MRC1: variants seen among roughly 807,000 people sequenced by gnomAD.
MRC1 encodes mannose receptor C-type 1.
A neutral mutation model predicts 102.9 loss-of-function variants in MRC1; 62 were observed. The ratio of observed to expected loss-of-function variants is 0.60; its 90% CI spans 0.49 to 0.74. MRC1 has a LOEUF of 0.74. MRC1 is among the 30% of genes least tolerant of loss of function. The pLI is 0.00. For missense variants in MRC1, 1,237 were observed against 862.8 expected (o/e 1.43, Z -5.43); for synonymous variants, 457 against 298.4 (o/e 1.53, Z -5.48).
intron 19 of MRC1, 106 bp downstream of exon 19, chr10:17,879,927 A>G: frequency 1.3e-6 from 1 of 772,528 alleles, no homozygotes; most frequent in Non-Finnish European, 2.4e-6. Flanking sequence ...ACAAGATAAG[A>G]AGAGAGAATA....
Position 17,894,332 on chromosome 10 carries a change from A to G in MRC1, c.3250+20A>G. On this transcript the variant is annotated intron_variant, in intron 23 of 29. Transcript: ENST00000569591. Reference sequence around the variant, plus strand: ...GATCCGGTAAGTTCTACCAAACCTTACCTTCCTGAAAGAGCTGGGGTTTTT... The same window carrying G: ...GATCCGGTAAGTTCTACCAAACCTTGCCTTCCTGAAAGAGCTGGGGTTTTT... 1.2e-6 allele frequency: 1 copy of G among 864,344 alleles called. No individual in the cohort carries two copies. The highest frequency in any genetic ancestry group is 2.0e-6 in the Non-Finnish European group (1 of 498,674). The allele number at this position is 864,344 out of a possible 1,614,324, so 53.5% of individuals were successfully genotyped here.
At chr10:17,894,755 C>A (rs2130710360) in intron 23 of MRC1, among the ~76,000 whole-genome samples, 1 of 152,128 alleles carries the variant, frequency 6.6e-6, no homozygotes, top group Non-Finnish European at 1.5e-5. Flanking sequence ...ACAGAACATG[C>A]AGGTTTGTTA....
intron 28 of MRC1, among the ~76,000 whole-genome samples, 172 bp from the exon 29 acceptor site, chr10:17,909,134 G>A (rs1409514614): frequency 6.6e-6 from 1 of 151,982 alleles, no homozygotes; most frequent in Non-Finnish European, 1.5e-5. Context: ...ATAGATAAAG[G>A]TACAGATCTT....
At chr10:17,899,123 G>C (rs912740640) in intron 24 of MRC1, among the ~76,000 whole-genome samples, 1 of 151,360 alleles carries the variant, frequency 6.6e-6, no homozygotes, top group Middle Eastern at 3.4e-3. Flanking sequence ...AAAAAAAGGA[G>C]ATAAACTGGA....
At chr10:17,905,025 C>T (rs979855816) in intron 26 of MRC1, among the ~76,000 whole-genome samples, 8 of 152,208 alleles carry the variant, frequency 5.3e-5, no homozygotes, top group Non-Finnish European at 8.8e-5. Context: ...TCTGTTTGCA[C>T]TGACTGAGCT....
chr10:17,893,660 A>C (rs1177891921), intron 22 of MRC1, among the ~76,000 whole-genome samples: 1 of 152,202 alleles, frequency 6.6e-6, no homozygotes, highest in Admixed American at 6.5e-5. Flanking sequence ...GGAATGGCAA[A>C]CACATTCACA....
At chr10:17,856,143 C>T (rs1833088099) in intron 8 of MRC1, 99 bp from the exon 9 acceptor site, 2 of 705,082 alleles carry the variant, frequency 2.8e-6, no homozygotes, top group South Asian at 1.6e-5. Context: ...GCACTCCAGC[C>T]TGGGGGACAG....
chr10:17,869,296 T>C (rs915919080), intron 12 of MRC1, among the ~76,000 whole-genome samples: 28 of 152,210 alleles, frequency 1.8e-4, no homozygotes, highest in African/African-American at 4.6e-4. Flanking sequence ...AGTTGAGGCA[T>C]CATAGGAGTC....
At chr10:17,833,616 A>T (rs1838615456) in intron 3 of MRC1, 59 bp from the exon 4 acceptor site, 2 of 780,742 alleles carry the variant, frequency 2.6e-6, no homozygotes, top group Admixed American at 1.7e-5. Context: ...AAATAATACT[A>T]TTCACTGGAA....
intron 1 of MRC1, among the ~76,000 whole-genome samples, chr10:17,812,689 A>C (rs1838242868): frequency 6.7e-6 from 1 of 148,764 alleles, no homozygotes; most frequent in African/African-American, 2.5e-5. Context: ...CTCCTGCCTC[A>C]GCCTCCCGAG....
intron 6 of MRC1, among the ~76,000 whole-genome samples, chr10:17,848,208 A>G (rs1232769807): frequency 6.6e-6 from 1 of 152,306 alleles, no homozygotes; most frequent in Admixed American, 6.5e-5. Context: ...AACATTTAAT[A>G]TGAGCTTAAA....
chr10:17,892,466 G>C (rs782363883), intron 22 of MRC1, among the ~76,000 whole-genome samples: 116 of 152,158 alleles, frequency 7.6e-4, no homozygotes, highest in Non-Finnish European at 1.1e-3. Context: ...TCCAATCTGG[G>C]GGGCAGCTGT....
chr10:17,885,455 C>T lies in MRC1; in HGVS notation c.3147+20C>T. On this transcript the variant is annotated intron_variant, in intron 22 of 29. Transcript: ENST00000569591. ...GAAGATGTAAATATCAGATTCAGGT[C>T]ACCTCTCTACACACCATCAGCTTGC... 1.3e-6 allele frequency: 1 copy of T among 780,304 alleles called. No individual in the cohort carries two copies. The highest frequency in any genetic ancestry group is 2.4e-4 in the Middle Eastern group (1 of 4,190). The allele number at this position is 780,304 out of a possible 1,614,324, so 48.3% of individuals were successfully genotyped here. A position where few individuals can be genotyped will look rare whatever the true frequency, so the allele number is the denominator to read the frequency against.
At chr10:17,881,254 TG>T (rs1396247476) in intron 21 of MRC1, 73 bp downstream of exon 21, 1 of 740,092 alleles carries the variant, frequency 1.4e-6, no homozygotes, top group Non-Finnish European at 2.5e-6. Context: ...AAAATATTGC[TG>T]ACAGTAACTG....
rs1334393236 is a variant in MRC1 at position 17,875,177 on chromosome 10, G to A, written c.2474G>A (p.Arg825Gln). Residue 825 changes from arginine to glutamine, a missense_variant, in exon 17 of 30, where the codon CGA becomes CAA. Transcript: ENST00000569591. ...SKEKETMDNARAFCKRNFGDL... is the reference protein window; with the variant it reads ...SKEKETMDNAQAFCKRNFGDL... ...GAGAAGGAAACCATGGACAATGCGC[G>A]AGCGTTTTGCAAGAGGAATTTTGGT... 2.2e-5 allele frequency: 17 copies of A among 780,732 alleles called. No individual in the cohort carries two copies. The highest frequency in any genetic ancestry group is 8.5e-5 in the African/African-American group (5 of 59,134). 48.4% of individuals were successfully genotyped at this position (780,732 alleles called of 1,614,324 possible).
rs1833720056 is a variant in MRC1 at position 17,894,213 on chromosome 10, G to A, written c.3151G>A (p.Asp1051Asn). Residue 1051 changes from aspartate (D) to asparagine (N), a missense_variant, in exon 23 of 30, where the codon GAC becomes AAC. By Grantham distance (23) the Asp-to-Asn change is conservative (BLOSUM62 1). Coordinates refer to ENST00000569591, the MANE Select transcript of MRC1 (RefSeq NM_002438.4). ...RRSSLSYEDA[D>N]CVVIIGGASN... ...TTCTTTCTCCATAAATATACAGGCT[G>A]ACTGTGTTGTTATTATTGGAGGTGC... is the stretch of plus-strand genomic sequence containing the variant. The A allele has an allele frequency of 2.3e-6, 2 of 872,406 alleles. No homozygotes were observed. The highest frequency in any genetic ancestry group is 3.4e-5 in the Admixed American group (2 of 59,132). 54.0% of individuals were successfully genotyped at this position (872,406 alleles called of 1,614,324 possible). A position where few individuals can be genotyped will look rare whatever the true frequency, so the allele number is the denominator to read the frequency against.
chr10:17,823,041 T>G, intron 1 of MRC1, 33 bp from the exon 2 acceptor site: 2 of 780,286 alleles, frequency 2.6e-6, no homozygotes, highest in South Asian at 1.3e-5. Flanking sequence ...GCTTGCTTTC[T>G]TCTTCTTTTC....
chr10:17,847,876 A>G lies in MRC1; in HGVS notation c.1064-1703A>G, dbSNP rs1185941705. 6.0e-5 allele frequency among the ~76,000 whole-genome samples: 9 copies of G among 151,008 alleles called. No individual in the cohort carries two copies. The East Asian group carries it at 1.6e-3, about 26-fold the overall frequency. On this transcript the variant is annotated intron_variant, in intron 6 of 29. Transcript: ENST00000569591. ...CTAGGTAGCAAAATTAAAATAACCC[A>G]CCAGAGGGCTCCAAAGCTGTACTAA...
At chr10:17,853,975 G>C (rs1012823357) in intron 8 of MRC1, among the ~76,000 whole-genome samples, 3 of 151,980 alleles carry the variant, frequency 2.0e-5, no homozygotes, top group Non-Finnish European at 4.4e-5. Flanking sequence ...TTGTTTGTTT[G>C]TTTGTTTTTT....
Sources: gnomAD v4.1 joint callset for allele counts (sites outside exome capture counted in the v4.1 genomes callset) on GRCh38, gnomAD v4.1.1 for gene constraint, MANE v1.5 for transcripts, NCBI Gene and HGNC (gene_info 2026-07-23, HGNC 2026-07-21) for gene names.